Variants in ADGRL3 observed in about 807,000 individuals in gnomAD.
ADGRL3 encodes calcium-independent alpha-latrotoxin receptor 3.
A neutral mutation model predicts 153.5 loss-of-function variants in ADGRL3; 62 were observed. The observed-to-expected ratio is 0.40, with a 90% CI of 0.33 to 0.50. ADGRL3 has a LOEUF of 0.50. Among genes scored for constraint, ADGRL3 ranks in the 20% least tolerant of loss-of-function variants. The probability of loss-of-function intolerance (pLI) is 0.47; values close to 1 mark genes in which losing one functional copy is unlikely to be tolerated. For synonymous variants in ADGRL3, 710 were observed against 672.5 expected, an observed-to-expected ratio of 1.06 and a Z score of -0.86; for missense variants, 1,641 against 1,859.4, an observed-to-expected ratio of 0.88 and a Z score of 2.16.
intron 1 of ADGRL3, among the ~76,000 whole-genome samples, chr4:61,310,678 C>A (rs2094964072): frequency 6.6e-6 from 1 of 151,838 alleles, no homozygotes; most frequent in African/African-American, 2.4e-5. Flanking sequence ...TGATGAGCAC[C>A]CTCATTACAG....
At chr4:61,642,554 C>G (rs1166376964) in intron 5 of ADGRL3, among the ~76,000 whole-genome samples, 1 of 152,000 alleles carries the variant, frequency 6.6e-6, no homozygotes, top group East Asian at 1.9e-4. Context: ...AATCCTTTCC[C>G]CATTGCTTGT....
chr4:61,220,353 C>T, intron 1 of ADGRL3, among the ~76,000 whole-genome samples: 1 of 152,102 alleles, frequency 6.6e-6, no homozygotes, highest in East Asian at 1.9e-4. Flanking sequence ...TGATTTAGAA[C>T]ATGAGCTTTA....
intron 1 of ADGRL3, among the ~76,000 whole-genome samples, chr4:61,219,834 G>A (rs1301551204): frequency 6.6e-6 from 1 of 152,218 alleles, no homozygotes; most frequent in East Asian, 1.9e-4. Flanking sequence ...TCTGCCAGGT[G>A]CAGTGGCTCA....
intron 2 of ADGRL3, among the ~76,000 whole-genome samples, chr4:61,463,250 C>A (rs1281149147): frequency 6.6e-6 from 1 of 152,130 alleles, no homozygotes; most frequent in Non-Finnish European, 1.5e-5. Context: ...GTATAAAAAA[C>A]TACCTGAGAC....
chr4:61,829,798 G>C (rs1219604561), intron 9 of ADGRL3, among the ~76,000 whole-genome samples: 3 of 152,132 alleles, frequency 2.0e-5, no homozygotes, highest in Non-Finnish European at 2.9e-5. Context: ...AGTGAAAAGA[G>C]AAGCTTAGGT....
intron 9 of ADGRL3, among the ~76,000 whole-genome samples, chr4:61,889,258 A>C (rs1301941185): frequency 6.6e-6 from 1 of 152,230 alleles, no homozygotes; most frequent in East Asian, 1.9e-4. Context: ...GATAAATAGC[A>C]GTTAGTTAGC....
intron 2 of ADGRL3, among the ~76,000 whole-genome samples, chr4:61,494,036 G>A (rs1291194033): frequency 1.3e-5 from 2 of 149,726 alleles, no homozygotes; most frequent in African/African-American, 2.5e-5. Context: ...TTAAAGGAAG[G>A]TTAATTCTTC....
chr4:61,273,963 C>T (rs1009858264), intron 1 of ADGRL3, among the ~76,000 whole-genome samples: 2 of 152,066 alleles, frequency 1.3e-5, no homozygotes, highest in Non-Finnish European at 2.9e-5. Flanking sequence ...CTGACTCTTA[C>T]AATAAAGACT....
At chr4:61,574,561 T>C (rs2098857360) in intron 4 of ADGRL3, among the ~76,000 whole-genome samples, 1 of 151,740 alleles carries the variant, frequency 6.6e-6, no homozygotes, top group Non-Finnish European at 1.5e-5. Context: ...CAAACAAGAA[T>C]CTTGGAGATA....
At chr4:62,039,704 G>A (rs1334906172) in intron 24 of ADGRL3, among the ~76,000 whole-genome samples, 1 of 152,064 alleles carries the variant, frequency 6.6e-6, no homozygotes. Context: ...CTTATAGCAT[G>A]AGCCCCTTTT....
chr4:61,853,073 A>C (rs954609305), intron 9 of ADGRL3, among the ~76,000 whole-genome samples: 1 of 151,512 alleles, frequency 6.6e-6, no homozygotes, highest in Admixed American at 6.6e-5. Context: ...GCTGGAGTGC[A>C]GTGATGTGAT....
intron 8 of ADGRL3, among the ~76,000 whole-genome samples, chr4:61,784,077 A>G (rs969448715): frequency 1.3e-5 from 2 of 152,136 alleles, no homozygotes; most frequent in African/African-American, 4.8e-5. Context: ...AAGTAGTCTT[A>G]TGAGAATTTT....
At chr4:61,418,894 A>G (rs2097172643) in intron 2 of ADGRL3, among the ~76,000 whole-genome samples, 1 of 150,794 alleles carries the variant, frequency 6.6e-6, no homozygotes, top group Admixed American at 6.6e-5. Context: ...GTATAAAAAG[A>G]AAAAAGTTAA....
At chr4:61,340,688 C>T (rs2095789956) in intron 1 of ADGRL3, among the ~76,000 whole-genome samples, 1 of 152,004 alleles carries the variant, frequency 6.6e-6, no homozygotes, top group African/African-American at 2.4e-5. Context: ...TATGCACAGA[C>T]TTTTCCTTTA....
At chr4:62,030,800 T>C (rs1721579357) in intron 22 of ADGRL3, among the ~76,000 whole-genome samples, 1 of 151,518 alleles carries the variant, frequency 6.6e-6, no homozygotes, top group African/African-American at 2.4e-5. Context: ...AAGTGAGTGA[T>C]CCAAAGCCTG....
At chr4:61,760,915 A>G (rs1258486621) in intron 8 of ADGRL3, among the ~76,000 whole-genome samples, 2 of 152,198 alleles carry the variant, frequency 1.3e-5, no homozygotes, top group African/African-American at 4.8e-5. Flanking sequence ...AGTCTCCCCA[A>G]GCATTTGGGT....
intron 9 of ADGRL3, among the ~76,000 whole-genome samples, chr4:61,816,824 C>T (rs1416120974): frequency 2.6e-5 from 4 of 152,126 alleles, no homozygotes; most frequent in Non-Finnish European, 5.9e-5. Context: ...GTTAAAGGGA[C>T]AGCTTCCTAG....
intron 9 of ADGRL3, among the ~76,000 whole-genome samples, chr4:61,836,016 A>T (rs1270907093): frequency 6.6e-6 from 1 of 152,158 alleles, no homozygotes; most frequent in Non-Finnish European, 1.5e-5. Flanking sequence ...AAGTAGCCTG[A>T]CATGGTCGCA....
chr4:61,365,973 C>T (rs1303886249), intron 1 of ADGRL3, among the ~76,000 whole-genome samples: 2 of 152,052 alleles, frequency 1.3e-5, no homozygotes, highest in African/African-American at 2.4e-5. Flanking sequence ...AGCATTGTTT[C>T]TCAACAAGTT....
Sources: gnomAD v4.1 joint callset for allele counts (sites outside exome capture counted in the v4.1 genomes callset) on GRCh38, gnomAD v4.1.1 for gene constraint, MANE v1.5 for transcripts, NCBI Gene and HGNC (gene_info 2026-07-23, HGNC 2026-07-21) for gene names.